FAM185A: variants seen among roughly 807,000 people sequenced by gnomAD.
FAM185A encodes the protein protein FAM185A.
FAM185A carries 21 observed loss-of-function variants against 45.7 expected under a neutral mutation model. That is an observed-to-expected ratio of 0.46 (90% CI 0.33 to 0.66). FAM185A has a LOEUF of 0.66. Ranked by LOEUF, FAM185A falls within the 30% of genes least tolerant of loss-of-function variation. The probability of loss-of-function intolerance (pLI) is 0.03; values close to 1 mark genes in which losing one functional copy is unlikely to be tolerated. For missense variants in FAM185A, 305 were observed against 485.4 expected (o/e 0.63, Z 3.49); for synonymous variants, 117 against 194.0 (o/e 0.60, Z 3.30).
chr7:102,773,555 T>A (rs1298182146), intron 5 of FAM185A, among the ~76,000 whole-genome samples: 1 of 152,110 alleles, frequency 6.6e-6, no homozygotes, highest in Non-Finnish European at 1.5e-5. Context: ...TATATATTTT[T>A]CCTCTTGGGT....
chr7:102,847,993 ATATAT>A, the FAM185A span, among the ~76,000 whole-genome samples: 1 of 152,222 alleles, frequency 6.6e-6, no homozygotes, highest in African/African-American at 2.4e-5. Context: ...AGGTGTATAC[ATATAT>A]TTAATTTACC....
At chr7:102,834,098 GAAAGAA>G in the FAM185A span, among the ~76,000 whole-genome samples, 8 of 93,914 alleles carry the variant, frequency 8.5e-5, no homozygotes, top group Non-Finnish European at 1.0e-4. Context: ...AAGAAAGAAA[GAAAGAA>G]AGAAAGAAAG....
the FAM185A span, among the ~76,000 whole-genome samples, chr7:102,824,002 G>A: frequency 6.6e-6 from 1 of 152,188 alleles, no homozygotes; most frequent in Non-Finnish European, 1.5e-5. Context: ...GGACAACAAG[G>A]TGATGGAAAA....
chr7:102,836,440 C>G, the FAM185A span, among the ~76,000 whole-genome samples: 2 of 152,174 alleles, frequency 1.3e-5, no homozygotes, highest in Admixed American at 6.5e-5. Flanking sequence ...CCATTTCCCC[C>G]CTACAGATAA....
the FAM185A span, among the ~76,000 whole-genome samples, chr7:102,830,092 G>A: frequency 6.6e-6 from 1 of 152,136 alleles, no homozygotes; most frequent in South Asian, 2.1e-4. Flanking sequence ...GATACAGAGT[G>A]ATGCATTTCT....
chr7:102,761,854 G>T (rs2129434136), intron 4 of FAM185A, among the ~76,000 whole-genome samples: 1 of 152,126 alleles, frequency 6.6e-6, no homozygotes, highest in African/African-American at 2.4e-5. Flanking sequence ...AGTGGAGATG[G>T]GGTTTCGCCA....
At chr7:102,814,469 C>T in the FAM185A span, 1 of 152,022 alleles carries the variant, frequency 6.6e-6, no homozygotes, top group Non-Finnish European at 1.5e-5. Context: ...GAAAAAAAAC[C>T]AACAACATAG....
At chr7:102,818,635 C>T in the FAM185A span, among the ~76,000 whole-genome samples, 39 of 152,134 alleles carry the variant, frequency 2.6e-4, no homozygotes, top group African/African-American at 8.7e-4. Context: ...GTTTAAGCTT[C>T]TAGCAACTGC....
chr7:102,756,340 A>T (rs1396503088), intron 2 of FAM185A, among the ~76,000 whole-genome samples: 2 of 152,188 alleles, frequency 1.3e-5, no homozygotes, highest in Admixed American at 1.3e-4. Flanking sequence ...ATAATGATTA[A>T]GGGAAAATAA....
the FAM185A span, among the ~76,000 whole-genome samples, chr7:102,819,207 G>C: frequency 2.6e-5 from 4 of 152,102 alleles, no homozygotes; most frequent in Non-Finnish European, 5.9e-5. Context: ...TCCCCACAGA[G>C]GGCCATAAGT....
At chr7:102,801,872 A>G (rs1012602615) in intron 7 of FAM185A, among the ~76,000 whole-genome samples, 4 of 151,824 alleles carry the variant, frequency 2.6e-5, no homozygotes, top group African/African-American at 9.7e-5. Flanking sequence ...CAGTGAGCTG[A>G]GATCACGCCA....
chr7:102,813,313 T>C (rs750606490), downstream of FAM185A: 4 of 1,565,134 alleles, frequency 2.6e-6, no homozygotes, highest in Non-Finnish European at 3.5e-6. Flanking sequence ...AGTTCTTGAT[T>C]TTTTGTTCTT....
chr7:102,779,367 G>A (rs2129438727), intron 6 of FAM185A, among the ~76,000 whole-genome samples: 1 of 152,158 alleles, frequency 6.6e-6, no homozygotes, highest in African/African-American at 2.4e-5. Flanking sequence ...TATGGAGGGA[G>A]ATGGGGTAGA....
the FAM185A span, among the ~76,000 whole-genome samples, chr7:102,840,310 C>T: frequency 0.16 from 24,759 of 152,072 alleles, 2,096 homozygotes; most frequent in Middle Eastern, 0.26. Flanking sequence ...ATTGAATTAC[C>T]CAAATGGCAA....
chr7:102,832,830 C>A, the FAM185A span: 1 of 1,614,108 alleles, frequency 6.2e-7, no homozygotes, highest in Non-Finnish European at 8.5e-7. Flanking sequence ...GCCCTGACTC[C>A]TGCACATACC....
intron 4 of FAM185A, among the ~76,000 whole-genome samples, chr7:102,770,986 A>G (rs1464235848): frequency 6.6e-6 from 1 of 152,242 alleles, no homozygotes; most frequent in Non-Finnish European, 1.5e-5. Context: ...GGACTGGATA[A>G]AGAGAATGTG....
chr7:102,841,041 C>T, the FAM185A span, among the ~76,000 whole-genome samples: 1 of 152,066 alleles, frequency 6.6e-6, no homozygotes, highest in Non-Finnish European at 1.5e-5. Flanking sequence ...CAAATTATAA[C>T]ATGGAGAAAT....
At chr7:102,838,745 G>T in the FAM185A span, among the ~76,000 whole-genome samples, 1 of 152,276 alleles carries the variant, frequency 6.6e-6, no homozygotes, top group African/African-American at 2.4e-5. Context: ...GCAGTATGCT[G>T]GGTAAAAGTC....
At chr7:102,786,892 G>A (rs1243458782) in intron 6 of FAM185A, among the ~76,000 whole-genome samples, 1 of 151,314 alleles carries the variant, frequency 6.6e-6, no homozygotes, top group East Asian at 1.9e-4. Flanking sequence ...ACGAGCACTA[G>A]TGGGAGCTTG....
Sources: gnomAD v4.1 joint callset for allele counts (sites outside exome capture counted in the v4.1 genomes callset) on GRCh38, gnomAD v4.1.1 for gene constraint, MANE v1.5 for transcripts, NCBI Gene and HGNC (gene_info 2026-07-23, HGNC 2026-07-21) for gene names.